Variants in ZNF385D observed in about 807,000 individuals in gnomAD.
ZNF385D encodes zinc finger protein 385D.
Under a neutral mutation model 35.8 loss-of-function variants are expected in ZNF385D, and 15 were observed. The ratio of observed to expected loss-of-function variants is 0.42; its 90% confidence interval spans 0.28 to 0.64. The LOEUF (loss-of-function observed/expected upper bound fraction) is 0.64. Ranked by LOEUF, ZNF385D falls within the 30% of genes least tolerant of loss-of-function variation. The probability of loss-of-function intolerance (pLI) is 0.23; values close to 1 mark genes in which losing one functional copy is unlikely to be tolerated. For synonymous variants in ZNF385D, 212 were observed against 186.8 expected (o/e 1.13, Z -1.10); for missense variants, 474 against 494.6 (o/e 0.96, Z 0.39).
intron 2 of ZNF385D, among the ~76,000 whole-genome samples, chr3:22,237,836 G>T (rs956514763): frequency 2.0e-5 from 3 of 151,072 alleles, no homozygotes; most frequent in African/African-American, 7.3e-5. Flanking sequence ...TAGAGGTGGG[G>T]TTTCACCACA....
chr3:22,321,601 G>A (rs773338888), intron 2 of ZNF385D, among the ~76,000 whole-genome samples: 2 of 151,978 alleles, frequency 1.3e-5, no homozygotes, highest in African/African-American at 4.8e-5. Context: ...TCCTGACCTC[G>A]TGATCCACTC....
chr3:21,990,763 G>A (rs1229548300), intron 3 of ZNF385D, among the ~76,000 whole-genome samples: 3 of 152,166 alleles, frequency 2.0e-5, no homozygotes, highest in Non-Finnish European at 4.4e-5. Flanking sequence ...AAAACTGTAT[G>A]AGCTGAAACA....
At chr3:21,706,233 T>C (rs148268533) in intron 1 of ZNF385D, among the ~76,000 whole-genome samples, 344 of 152,232 alleles carry the variant, frequency 2.3e-3, no homozygotes, top group Non-Finnish European at 3.7e-3. Flanking sequence ...AACAAAACTC[T>C]TGTTGAGAAA....
chr3:22,026,118 T>C (rs962313649), intron 3 of ZNF385D, among the ~76,000 whole-genome samples: 1 of 152,104 alleles, frequency 6.6e-6, no homozygotes, highest in Non-Finnish European at 1.5e-5. Context: ...GTGAAATTGT[T>C]AGAAGTGAAA....
intron 3 of ZNF385D, among the ~76,000 whole-genome samples, chr3:21,979,154 G>A (rs1694252211): frequency 6.6e-6 from 1 of 151,968 alleles, no homozygotes; most frequent in Non-Finnish European, 1.5e-5. Context: ...TCATTTGCCT[G>A]TAGAATAGTC....
intron 3 of ZNF385D, among the ~76,000 whole-genome samples, chr3:22,050,473 G>C (rs769708826): frequency 9.2e-5 from 14 of 152,054 alleles, no homozygotes; most frequent in Middle Eastern, 3.2e-3. Context: ...TCAGATCCTG[G>C]GCTTTCCTTT....
At chr3:22,307,921 G>A (rs759213877) in intron 2 of ZNF385D, among the ~76,000 whole-genome samples, 1 of 151,988 alleles carries the variant, frequency 6.6e-6, no homozygotes, top group African/African-American at 2.4e-5. Flanking sequence ...AAAGATAAAT[G>A]AGGCACTTTA....
intron 3 of ZNF385D, among the ~76,000 whole-genome samples, chr3:21,961,176 C>T (rs776290863): frequency 4.0e-5 from 6 of 151,230 alleles, no homozygotes; most frequent in Non-Finnish European, 7.4e-5. Context: ...CTCTGTATGC[C>T]GTAAGTATGT....
chr3:21,832,642 T>C (rs1053158829), intron 3 of ZNF385D, among the ~76,000 whole-genome samples: 1 of 152,208 alleles, frequency 6.6e-6, no homozygotes, highest in Admixed American at 6.5e-5. Flanking sequence ...CTTCACATTC[T>C]TGGATCAGTT....
intron 2 of ZNF385D, among the ~76,000 whole-genome samples, chr3:22,302,456 C>T (rs1702954584): frequency 6.6e-6 from 1 of 151,876 alleles, no homozygotes. Context: ...TGTTCCTACT[C>T]ACTGATCTGT....
intron 3 of ZNF385D, among the ~76,000 whole-genome samples, chr3:22,153,716 G>A (rs748797102): frequency 5.9e-5 from 9 of 151,850 alleles, no homozygotes; most frequent in Admixed American, 3.9e-4. Flanking sequence ...CACCCACCTC[G>A]GCCTCCCAAA....
At chr3:22,346,181 G>A (rs924363660) in intron 2 of ZNF385D, among the ~76,000 whole-genome samples, 1 of 152,134 alleles carries the variant, frequency 6.6e-6, no homozygotes, top group Non-Finnish European at 1.5e-5. Context: ...TATGCCTATA[G>A]AATGACTTAA....
chr3:22,096,329 T>C (rs1376789060), intron 3 of ZNF385D, among the ~76,000 whole-genome samples: 1 of 58,678 alleles, frequency 1.7e-5, no homozygotes, highest in East Asian at 4.2e-4. Flanking sequence ...GTTGAAACTA[T>C]TTTTTTAAAT....
chr3:22,024,497 A>T (rs1290670478), intron 3 of ZNF385D, among the ~76,000 whole-genome samples: 3 of 151,898 alleles, frequency 2.0e-5, no homozygotes, highest in African/African-American at 7.3e-5. Flanking sequence ...AATGCTAAGG[A>T]CTCTACTTCT....
At chr3:21,563,520 G>C (rs952665641) in intron 3 of ZNF385D, among the ~76,000 whole-genome samples, 1 of 152,068 alleles carries the variant, frequency 6.6e-6, no homozygotes, top group African/African-American at 2.4e-5. Flanking sequence ...CTTCAAAGAG[G>C]AATAAACTAT....
At chr3:22,101,795 A>G (rs574541925) in intron 3 of ZNF385D, among the ~76,000 whole-genome samples, 5 of 152,132 alleles carry the variant, frequency 3.3e-5, no homozygotes, top group South Asian at 4.1e-4. Context: ...CAAGAATGGT[A>G]TACTTCTTGG....
chr3:21,877,985 A>C (rs893609903), intron 3 of ZNF385D: 2 of 152,084 alleles, frequency 1.3e-5, no homozygotes, highest in South Asian at 2.1e-4. Flanking sequence ...TAAACAACTT[A>C]TATTAAGTGC....
At chr3:22,038,776 T>C (rs1698488421) in intron 3 of ZNF385D, among the ~76,000 whole-genome samples, 3 of 151,840 alleles carry the variant, frequency 2.0e-5, no homozygotes, top group African/African-American at 7.2e-5. Flanking sequence ...AAGGAAAAAA[T>C]ATATACCCTA....
At chr3:21,688,772 AAGAG>A (rs1258638922) in intron 1 of ZNF385D, among the ~76,000 whole-genome samples, 1 of 152,162 alleles carries the variant, frequency 6.6e-6, no homozygotes, top group Non-Finnish European at 1.5e-5. Context: ...AAATGACACA[AAGAG>A]AGATTTCTCA....
Sources: allele counts gnomAD v4.1 joint callset (sites outside exome capture counted in the v4.1 genomes callset), GRCh38; gene constraint gnomAD v4.1.1; transcripts MANE v1.5; gene names NCBI Gene and HGNC (gene_info 2026-07-23, HGNC 2026-07-21).